Variants in COL4A6 observed in about 807,000 individuals in gnomAD.
COL4A6 encodes collagen type IV alpha 6 chain, also known as collagen alpha-6(IV) chain.
In COL4A6, 59 loss-of-function variants were observed where a neutral mutation model predicts 126.7. The ratio of observed to expected loss-of-function variants is 0.47; its 90% confidence interval spans 0.38 to 0.58. The LOEUF (loss-of-function observed/expected upper bound fraction) is 0.58, where lower values mean the gene tolerates loss of function less well. Ranked by LOEUF, COL4A6 falls within the 20% of genes least tolerant of loss-of-function variation. The pLI is 0.00. For synonymous variants in COL4A6, 547 were observed against 496.6 expected (o/e 1.10, Z -1.35); for missense variants, 1,285 against 1,337.3 (o/e 0.96, Z 0.61).
At chrX:108,382,033 A>G (rs891070877) in intron 2 of COL4A6, among the ~76,000 whole-genome samples, 7 of 110,470 alleles carry the variant, frequency 6.3e-5, no homozygotes, top group African/African-American at 2.0e-4. Context: ...TTAGGCACTC[A>G]TTATTTCTCA....
chrX:108,197,436 A>C (rs2035252593), intron 13 of COL4A6, among the ~76,000 whole-genome samples: 1 of 112,458 alleles, frequency 8.9e-6, no homozygotes, highest in Non-Finnish European at 1.9e-5. Flanking sequence ...AAATGAGGCC[A>C]CTTTGTTGTT....
At chrX:108,374,755 A>T (rs1305819697) in intron 2 of COL4A6, among the ~76,000 whole-genome samples, 1 of 111,978 alleles carries the variant, frequency 8.9e-6, no homozygotes, top group East Asian at 2.8e-4. Context: ...AATGTTAATA[A>T]CTACTTTGTC....
At chrX:108,163,668 G>C (rs2034032697) in intron 40 of COL4A6, 2 of 112,433 alleles carry the variant, frequency 1.8e-5, no homozygotes, top group African/African-American at 6.5e-5. Flanking sequence ...AGTGTAAGTT[G>C]GGAGAAGTGT....
chrX:108,411,975 C>G (rs1247117076), intron 2 of COL4A6, among the ~76,000 whole-genome samples: 1 of 110,762 alleles, frequency 9.0e-6, no homozygotes, highest in Non-Finnish European at 1.9e-5. Context: ...CCATGGGGTG[C>G]CTGTTTTGCT....
At chrX:108,356,239 A>AG (rs2039957733) in intron 2 of COL4A6, among the ~76,000 whole-genome samples, 1 of 108,866 alleles carries the variant, frequency 9.2e-6, no homozygotes, top group South Asian at 4.1e-4. Context: ...GAGAATGATG[A>AG]TTAATGGGTA....
At chrX:108,179,613 C>T (rs759206545) in intron 25 of COL4A6, among the ~76,000 whole-genome samples, 175 bp from the exon 26 acceptor site, 1 of 110,611 alleles carries the variant, frequency 9.0e-6, no homozygotes, top group East Asian at 2.9e-4. Flanking sequence ...GAGGCAGGGA[C>T]TGTGCCCTGC....
At chrX:108,391,634 C>T (rs1230197488) in intron 2 of COL4A6, among the ~76,000 whole-genome samples, 8 of 112,151 alleles carry the variant, frequency 7.1e-5, no homozygotes, top group South Asian at 3.8e-4. Context: ...TGGGACCCCC[C>T]GAGCCAGGCA....
chrX:108,182,478 C>T (rs1038653971), intron 23 of COL4A6, among the ~76,000 whole-genome samples: 1 of 112,117 alleles, frequency 8.9e-6, no homozygotes, highest in African/African-American at 3.2e-5. Flanking sequence ...GGATCCTCCT[C>T]CGTAGGTGGT....
intron 44 of COL4A6, among the ~76,000 whole-genome samples, chrX:108,158,120 C>A (rs2033799898): frequency 8.9e-6 from 1 of 112,668 alleles, no homozygotes; most frequent in African/African-American, 3.2e-5. Flanking sequence ...CCCTGAGAAT[C>A]AAAAACTTTC....
intron 2 of COL4A6, among the ~76,000 whole-genome samples, chrX:108,313,065 G>T (rs752415992): frequency 2.7e-5 from 3 of 112,891 alleles, no homozygotes; most frequent in Non-Finnish European, 5.6e-5. Flanking sequence ...ACTGAGGAAA[G>T]TAACCAGAGA....
chrX:108,231,625 T>C (rs752649538), intron 3 of COL4A6, among the ~76,000 whole-genome samples: 1 of 111,758 alleles, frequency 8.9e-6, no homozygotes, highest in Non-Finnish European at 1.9e-5. Flanking sequence ...GTGAAGCCAA[T>C]TTGCTGATAT....
chrX:108,255,100 T>C (rs6622304), intron 3 of COL4A6, among the ~76,000 whole-genome samples: 16,258 of 101,688 alleles, frequency 0.16, 1,636 homozygotes, highest in East Asian at 0.58. Flanking sequence ...TTAAGAAGGC[T>C]CTACCCATCT....
At chrX:108,343,666 T>C (rs1017602527) in intron 2 of COL4A6, among the ~76,000 whole-genome samples, 2 of 111,070 alleles carry the variant, frequency 1.8e-5, no homozygotes, top group African/African-American at 3.3e-5. Context: ...TAAAGGATAA[T>C]AGTAAATAAT....
chrX:108,298,485 C>T (rs934835694), intron 3 of COL4A6, among the ~76,000 whole-genome samples: 3 of 111,514 alleles, frequency 2.7e-5, no homozygotes, highest in Non-Finnish European at 5.7e-5. Context: ...CACCACTGAC[C>T]CTGGGAGGTC....
At chrX:108,187,036 A>G (rs2148142029) in intron 23 of COL4A6, 60 bp downstream of exon 23, 1 of 978,922 alleles carries the variant, frequency 1.0e-6, no homozygotes, top group South Asian at 3.5e-5. Context: ...CACCTGAGTC[A>G]TAACCACTCT....
At chrX:108,399,794 G>C (rs775419459) in intron 2 of COL4A6, among the ~76,000 whole-genome samples, 1 of 111,793 alleles carries the variant, frequency 8.9e-6, no homozygotes, top group Non-Finnish European at 1.9e-5. Flanking sequence ...AGATAATGCA[G>C]AAGCTTCCAA....
intron 2 of COL4A6, among the ~76,000 whole-genome samples, chrX:108,331,889 T>C (rs1045394297): frequency 2.7e-5 from 3 of 111,340 alleles, no homozygotes; most frequent in African/African-American, 9.8e-5. Context: ...ACAAGTGCAG[T>C]TGTGTTACAT....
intron 2 of COL4A6, among the ~76,000 whole-genome samples, chrX:108,357,937 G>A (rs1603154760): frequency 9.0e-6 from 1 of 111,655 alleles, no homozygotes; most frequent in East Asian, 2.8e-4. Context: ...GTTAAAATCA[G>A]TTGTAAGCTA....
intron 23 of COL4A6, 29 bp downstream of exon 23, chrX:108,187,066 AG>A: frequency 9.2e-7 from 1 of 1,084,776 alleles, no homozygotes; most frequent in Non-Finnish European, 1.2e-6. Flanking sequence ...CAAATTTCCA[AG>A]TCCAAAGCCA....
Sources: gnomAD v4.1 joint callset for allele counts (sites outside exome capture counted in the v4.1 genomes callset) on GRCh38, gnomAD v4.1.1 for gene constraint, MANE v1.5 for transcripts, NCBI Gene and HGNC (gene_info 2026-07-23, HGNC 2026-07-21) for gene names.